The following SAP130 variants were observed in gnomAD, a reference collection of about 807,000 sequenced individuals.
The protein encoded by SAP130 is histone deacetylase complex subunit SAP130.
SAP130 carries 16 observed loss-of-function variants against 103.2 expected under a neutral mutation model. The observed-to-expected ratio is 0.16, with a 90% CI of 0.10 to 0.24. The LOEUF (loss-of-function observed/expected upper bound fraction) is 0.24. Ranked by LOEUF, SAP130 falls within the 10% of genes least tolerant of loss-of-function variation. The pLI, the probability that SAP130 is intolerant of heterozygous loss-of-function variation, is 1.00. For synonymous variants in SAP130, 477 were observed against 497.0 expected, an observed-to-expected ratio of 0.96 and a Z score of 0.53; for missense variants, 990 against 1,359.7, an observed-to-expected ratio of 0.73 and a Z score of 4.28.
chr2:128,008,110 A>G (rs1684101436), intron 7 of SAP130, among the ~76,000 whole-genome samples: 1 of 152,104 alleles, frequency 6.6e-6, no homozygotes, highest in South Asian at 2.1e-4. Flanking sequence ...AGCTTCTAAC[A>G]ATTCCTCTCT....
At chr2:128,016,359 G>GA in intron 4 of SAP130, 30 bp downstream of exon 4, 1 of 1,600,044 alleles carries the variant, frequency 6.2e-7, no homozygotes, top group Non-Finnish European at 8.5e-7. Context: ...ATTTCAGTTT[G>GA]AAAATCAGCA....
chr2:128,000,217 C>T, intron 8 of SAP130, 71 bp from the exon 9 acceptor site: 5 of 1,606,196 alleles, frequency 3.1e-6, no homozygotes, highest in Admixed American at 3.3e-5. Flanking sequence ...ACAATCAATG[C>T]CTTCGGTATC....
intron 1 of SAP130, chr2:128,027,455 C>A (rs905101933): frequency 2.7e-6 from 3 of 1,098,314 alleles, no homozygotes; most frequent in Non-Finnish European, 3.3e-6. Flanking sequence ...CCGGGGCAGC[C>A]CAAACCCCTC....
At chr2:128,013,750 C>G (rs1055138977) in intron 5 of SAP130, among the ~76,000 whole-genome samples, 1 of 152,116 alleles carries the variant, frequency 6.6e-6, no homozygotes, top group Admixed American at 6.5e-5. Flanking sequence ...ACCTCACAAC[C>G]TATTAGAACT....
At chr2:128,018,435 A>T (rs1684926119) in intron 2 of SAP130, among the ~76,000 whole-genome samples, 1 of 146,528 alleles carries the variant, frequency 6.8e-6, no homozygotes, top group African/African-American at 2.6e-5. Context: ...CAGTGAGCCA[A>T]GATTCCGTCA....
chr2:128,019,295 G>T (rs1684993746), intron 2 of SAP130, among the ~76,000 whole-genome samples: 1 of 151,550 alleles, frequency 6.6e-6, no homozygotes. Flanking sequence ...TTGAGACAAG[G>T]TCTCACTCTG....
At chr2:128,013,383 T>C (rs1684537135) in intron 5 of SAP130, among the ~76,000 whole-genome samples, 1 of 152,216 alleles carries the variant, frequency 6.6e-6, no homozygotes, top group African/African-American at 2.4e-5. Context: ...TGCTGTTTTT[T>C]GTTTCTGTTA....
chr2:127,967,623 C>T (rs544611481), intron 15 of SAP130, among the ~76,000 whole-genome samples: 1 of 152,320 alleles, frequency 6.6e-6, no homozygotes, highest in African/African-American at 2.4e-5. Flanking sequence ...GTCTTGAACT[C>T]CTGACCTTGT....
In SAP130 at chr2:128,012,677, T is replaced by C. The variant is rs532553680; in HGVS notation, c.744+353A>G. Among the ~76,000 whole-genome samples the C allele has an allele frequency of 1.2e-4, 19 of 152,098 alleles. 1 individual carries two copies. In the South Asian group the frequency reaches 3.7e-3, roughly 30 times the overall value. ...CTTGGAATATACATAGATATACACC[T>C]AACTTTTAGGAGTCCACAGATCCCC... On this transcript the variant is annotated intron_variant, in intron 6 of 20. Coordinates refer to ENST00000643581, the MANE Select transcript of SAP130 (RefSeq NM_001330301.2).
chr2:127,969,163 T>C (rs949124258), intron 15 of SAP130, among the ~76,000 whole-genome samples: 1 of 151,922 alleles, frequency 6.6e-6, no homozygotes, highest in African/African-American at 2.4e-5. Flanking sequence ...GGGGTGGAGG[T>C]TGGCGGGGGG....
At chr2:127,990,667 G>A (rs1682725698) in intron 12 of SAP130, among the ~76,000 whole-genome samples, 1 of 152,154 alleles carries the variant, frequency 6.6e-6, no homozygotes, top group Non-Finnish European at 1.5e-5. Flanking sequence ...ACAGCCCGGT[G>A]TGATGATTTG....
At chr2:127,982,033 T>C (rs1293524230) in intron 14 of SAP130, among the ~76,000 whole-genome samples, 1 of 152,098 alleles carries the variant, frequency 6.6e-6, no homozygotes, top group African/African-American at 2.4e-5. Flanking sequence ...ACCTATACAG[T>C]GGTTGGACAC....
intron 2 of SAP130, among the ~76,000 whole-genome samples, chr2:128,019,638 C>G (rs988687639): frequency 6.6e-6 from 1 of 152,092 alleles, no homozygotes; most frequent in Non-Finnish European, 1.5e-5. Context: ...GTAATCCCAG[C>G]ACTTTGGGAG....
chr2:128,022,384 C>G (rs1685217942), intron 2 of SAP130, among the ~76,000 whole-genome samples: 3 of 152,300 alleles, frequency 2.0e-5, no homozygotes, highest in Admixed American at 1.3e-4. Context: ...GGTGAGAACC[C>G]TGTTTTGGCT....
At chr2:128,007,409 C>G (rs932822085) in intron 7 of SAP130, among the ~76,000 whole-genome samples, 1 of 152,170 alleles carries the variant, frequency 6.6e-6, no homozygotes, top group Non-Finnish European at 1.5e-5. Flanking sequence ...GGAACTTGAG[C>G]GTCCTTGGAT....
chr2:128,000,601 A>T, intron 7 of SAP130, 147 bp from the exon 8 acceptor site: 1 of 830,158 alleles, frequency 1.2e-6, no homozygotes, highest in Non-Finnish European at 1.8e-6. Flanking sequence ...AATGTGGCAA[A>T]AGGTGCACTG....
In SAP130 at chr2:127,996,792, C is replaced by T. The variant is rs1683206691; in HGVS notation, c.1214-301G>A. Among the ~76,000 whole-genome samples the T allele has an allele frequency of 6.6e-6, 1 of 152,124 alleles. No homozygotes were observed. The highest frequency in any genetic ancestry group is 2.1e-4 in the South Asian group (1 of 4,830). ...TAATGACAGATGCGGTGGCTCACAT[C>T]TGTCATCTCAGCACTGTGGGAGGCT... On this transcript the variant is annotated intron_variant, in intron 10 of 20. Coordinates refer to ENST00000643581, the MANE Select transcript of SAP130 (RefSeq NM_001330301.2). The surrounding 1 kb of genome is among the most constrained non-coding windows in gnomAD (Gnocchi z 4.3).
At chr2:127,997,186 A>G (rs78047332) in intron 10 of SAP130, among the ~76,000 whole-genome samples, 1 of 152,224 alleles carries the variant, frequency 6.6e-6, no homozygotes, top group Non-Finnish European at 1.5e-5. Flanking sequence ...TTCAAATTCA[A>G]TCTGAGGCTC....
intron 16 of SAP130, among the ~76,000 whole-genome samples, chr2:127,950,803 C>T (rs932078821): frequency 7.9e-5 from 12 of 152,134 alleles, no homozygotes; most frequent in African/African-American, 1.7e-4. Context: ...GGAACTCAGA[C>T]GAGATGGCTG....
Sources: gnomAD v4.1 joint callset for allele counts (sites outside exome capture counted in the v4.1 genomes callset) on GRCh38, gnomAD v4.1.1 for gene constraint, Gnocchi (gnomAD v3.1) non-coding constraint, MANE v1.5 for transcripts, NCBI Gene and HGNC (gene_info 2026-07-23, HGNC 2026-07-21) for gene names.